The following ERAP1 variants were observed in gnomAD, a reference collection of about 807,000 sequenced individuals.
ERAP1 encodes the protein adipocyte-derived leucine aminopeptidase.
ERAP1 carries 86 observed loss-of-function variants against 103.7 expected under a neutral mutation model. The observed-to-expected ratio is 0.83, with a 90% confidence interval of 0.70 to 0.99. The LOEUF is 0.99. Ranked by LOEUF, ERAP1 falls within the 50% of genes least tolerant of loss-of-function variation. ERAP1 has a pLI of 0.00. For synonymous variants in ERAP1, 398 were observed against 402.4 expected (o/e 0.99, Z 0.13); for missense variants, 1,009 against 1,128.4 (o/e 0.89, Z 1.52).
chr5:96,900,255 A>G, the ERAP1 span: 1 of 1,600,330 alleles, frequency 6.2e-7, no homozygotes, highest in Non-Finnish European at 8.5e-7. Context: ...AGTGAGTATG[A>G]CATACAGAGT....
At chr5:96,873,366 T>A in the ERAP1 span, 1 of 456,160 alleles carries the variant, frequency 2.2e-6, no homozygotes, top group African/African-American at 2.0e-5. Context: ...GTCCATTGCC[T>A]GAAGTTGATA....
the ERAP1 span, among the ~76,000 whole-genome samples, chr5:96,891,483 ATG>A: frequency 8.2e-4 from 114 of 138,712 alleles, no homozygotes; most frequent in Middle Eastern, 3.8e-3. Context: ...ATATATATAT[ATG>A]TGTGTGTGTG....
chr5:96,879,977 GA>G, the ERAP1 span: 1 of 1,614,136 alleles, frequency 6.2e-7, no homozygotes, highest in Admixed American at 1.7e-5. Context: ...TGAGAAGATC[GA>G]AGTCTTGGTC....
chr5:96,776,030 A>C lies in ERAP1; in HGVS notation c.*366T>G. 8.6e-7 allele frequency: 1 copy of C among 1,159,128 alleles called. No homozygotes were observed. The highest frequency in any genetic ancestry group is 1.9e-5 in the South Asian group (1 of 53,294). 71.8% of individuals were successfully genotyped at this position (1,159,128 alleles called of 1,614,324 possible). A position where few individuals can be genotyped will look rare whatever the true frequency, so the allele number is the denominator to read the frequency against. On this transcript the variant is annotated 3_prime_UTR_variant, in exon 19 of 19. Transcript: ENST00000443439. The stretch of plus-strand genomic sequence containing the variant: ...TTCATTGTTCAGTAGTCGACTATTC[A>C]GAGTCTTTCGAGGAGACTGATGAAA...
chr5:96,855,672 C>A, the ERAP1 span, among the ~76,000 whole-genome samples: 2 of 152,296 alleles, frequency 1.3e-5, no homozygotes, highest in Admixed American at 6.5e-5. Flanking sequence ...GCAATTGCAG[C>A]GGAACTTTGG....
At chr5:96,773,521 A>G (rs1363681503), downstream of ERAP1, 2 of 152,300 alleles carry the variant, frequency 1.3e-5, no homozygotes, top group East Asian at 3.7e-4. Context: ...TTGCCACATT[A>G]GCCTTTGCAC....
At chr5:96,790,398 A>C in intron 9 of ERAP1, 31 bp from the exon 10 acceptor site, 1 of 1,611,808 alleles carries the variant, frequency 6.2e-7, no homozygotes, top group Admixed American at 1.7e-5. Flanking sequence ...CATCACTCTT[A>C]TTTCTATAGA....
the ERAP1 span, among the ~76,000 whole-genome samples, chr5:96,847,633 G>A: frequency 6.6e-6 from 1 of 152,160 alleles, no homozygotes; most frequent in Admixed American, 6.5e-5. Context: ...TTTTCAGACT[G>A]CAGTGGTATG....
At chr5:96,928,411 C>T in the ERAP1 span, among the ~76,000 whole-genome samples, 1 of 152,070 alleles carries the variant, frequency 6.6e-6, no homozygotes, top group African/African-American at 2.4e-5. Context: ...GGTGGGCTTC[C>T]AATTCAATAT....
chr5:96,778,870 C>T (rs1774740737), intron 18 of ERAP1, among the ~76,000 whole-genome samples: 1 of 152,286 alleles, frequency 6.6e-6, no homozygotes, highest in African/African-American at 2.4e-5. Flanking sequence ...AGTTAGATGT[C>T]TGGGGAAGAA....
At chr5:96,768,517 G>A in intron 19 of ERAP1, 1 of 390,140 alleles carries the variant, frequency 2.6e-6, no homozygotes, top group Non-Finnish European at 4.9e-6. Flanking sequence ...TTTTCTATAT[G>A]TATATTTTAC....
chr5:96,787,658 C>T (rs1384339505), intron 11 of ERAP1, among the ~76,000 whole-genome samples: 3 of 151,996 alleles, frequency 2.0e-5, no homozygotes, highest in Admixed American at 2.0e-4. Flanking sequence ...TTCAGAAAAA[C>T]ATATGCCAAG....
the ERAP1 span, among the ~76,000 whole-genome samples, chr5:96,851,044 G>A: frequency 4.8e-4 from 73 of 152,016 alleles, no homozygotes; most frequent in Non-Finnish European, 8.5e-4. Context: ...TTTTTCTTTC[G>A]GCTTCCTCAA....
chr5:96,907,403 G>A, the ERAP1 span, among the ~76,000 whole-genome samples: 1 of 152,160 alleles, frequency 6.6e-6, no homozygotes, highest in Admixed American at 6.5e-5. Flanking sequence ...CAATTAGGCT[G>A]GGCTGGAAAG....
chr5:96,924,311 C>A, the ERAP1 span, among the ~76,000 whole-genome samples: 1 of 152,204 alleles, frequency 6.6e-6, no homozygotes, highest in Admixed American at 6.5e-5. Flanking sequence ...TGACTGACAG[C>A]CTGTGCTGGC....
At chr5:96,923,180 A>G in the ERAP1 span, among the ~76,000 whole-genome samples, 138 of 152,134 alleles carry the variant, frequency 9.1e-4, 4 homozygotes, top group East Asian at 0.025. Flanking sequence ...GGGTCTCACT[A>G]TGTTTTCCAC....
At chr5:96,842,523 A>G in the ERAP1 span, among the ~76,000 whole-genome samples, 437 of 152,180 alleles carry the variant, frequency 2.9e-3, 1 homozygote, top group African/African-American at 0.01. Context: ...TTTGATTTGC[A>G]TTTCTCTGAT....
upstream of ERAP1, among the ~76,000 whole-genome samples, chr5:96,810,083 G>A (rs191793913): frequency 1.6e-3 from 237 of 152,248 alleles, 4 homozygotes; most frequent in Non-Finnish European, 3.4e-4. Flanking sequence ...CCCGCTCCAC[G>A]CCGTTTCCCC....
chr5:96,808,881 G>T (rs1398351559), upstream of ERAP1, among the ~76,000 whole-genome samples: 1 of 152,194 alleles, frequency 6.6e-6, no homozygotes, highest in Non-Finnish European at 1.5e-5. Context: ...TTTTGCGCAA[G>T]AAAGAATTTG....
Sources: allele counts gnomAD v4.1 joint callset (sites outside exome capture counted in the v4.1 genomes callset), GRCh38; gene constraint gnomAD v4.1.1; transcripts MANE v1.5; gene names NCBI Gene and HGNC (gene_info 2026-07-23, HGNC 2026-07-21).